The following UROC1 variants were observed in gnomAD, a reference collection of about 807,000 sequenced individuals.
The protein encoded by UROC1 is urocanate hydratase 1, also known as urocanate hydratase.
Under a neutral mutation model 89.5 loss-of-function variants are expected in UROC1, and 79 were observed. The observed-to-expected ratio is 0.88, with a 90% CI of 0.74 to 1.06. The LOEUF (loss-of-function observed/expected upper bound fraction) is 1.06, where lower values mean the gene tolerates loss of function less well. Ranked by LOEUF, UROC1 falls within the 50% of genes least tolerant of loss-of-function variation. UROC1 has a pLI of 0.00. For missense variants in UROC1, 885 were observed against 907.8 expected (o/e 0.97, Z 0.32); for synonymous variants, 361 against 354.8 (o/e 1.02, Z -0.20).
At chr3:126,494,921 C>T (rs1304726687) in intron 15 of UROC1, among the ~76,000 whole-genome samples, 1 of 150,010 alleles carries the variant, frequency 6.7e-6, no homozygotes, top group Admixed American at 6.6e-5. Context: ...ACCCCCTGTA[C>T]AAGCAGGGCC....
chr3:126,491,928 G>A (rs1935662592), intron 16 of UROC1, among the ~76,000 whole-genome samples: 1 of 152,136 alleles, frequency 6.6e-6, no homozygotes, highest in African/African-American at 2.4e-5. Flanking sequence ...ACCTGCCCAA[G>A]GTCACACAGC....
At position 126,508,364 on chromosome 3, in the gene UROC1, C is replaced by T. The variant is rs1354294869; in HGVS notation, c.411+52G>A. ...TTTGTAAGCTCCTAGGCCAGAGGAC[C>T]AGACTAGAGGAAAGGCCAGGGGTGG... On this transcript the variant is annotated intron_variant, in intron 4 of 19. Coordinates refer to ENST00000290868, the MANE Select transcript of UROC1 (RefSeq NM_144639.3). 4.4e-6 allele frequency: 7 copies of T among 1,576,380 alleles called. No individual in the cohort carries two copies. The East Asian group carries it at 1.6e-4, about 35-fold the overall frequency.
At position 126,507,780 on chromosome 3, in the gene UROC1, C is replaced by T; in HGVS notation, c.564G>A (p.Arg188=). 6.2e-7 allele frequency: 1 copy of T among 1,614,116 alleles called. No homozygotes were observed. Among genetic ancestry groups the T allele is most frequent in the Non-Finnish European group, 8.5e-7 (1 of 1,180,040 alleles). Residue 188 remains arginine (R), a synonymous_variant, in exon 6 of 20, where the codon CGG becomes CGA. Transcript: ENST00000290868. ...NGMVIPNYSS[R]TEYEKLFALG... is the part of the protein sequence containing the mutation. ...AGGCAAAGAGCTTCTCATACTCCGTCCGGGAGGAGTAGTTGGGAATGACCT... is the reference window on the plus strand; with the variant it reads ...AGGCAAAGAGCTTCTCATACTCCGTTCGGGAGGAGTAGTTGGGAATGACCT...
Position 126,505,950 on chromosome 3 carries a change from T to G in UROC1, c.664A>C (p.Thr222Pro), listed in dbSNP as rs372835137. ...GGCGTGGCCCCATCTCTCACCACAG[T>G]GCCATGAACGATTCCCTGGGGACCG... ...YIGPQGIVHG[T>P]VLTVLNAARR... The change falls in exon 7 of 20, where the codon ACT (threonine) becomes CCT (proline). Residue 222 changes from threonine to proline, a missense_variant. By Grantham distance (38) the Thr-to-Pro change is conservative (BLOSUM62 -1). Coordinates refer to ENST00000290868, the MANE Select transcript of UROC1 (RefSeq NM_144639.3). 1.4e-5 allele frequency: 22 copies of G among 1,611,536 alleles called. No homozygotes were observed. The highest frequency in any genetic ancestry group is 1.7e-5 in the Non-Finnish European group (20 of 1,179,580).
intron 18 of UROC1, among the ~76,000 whole-genome samples, chr3:126,486,858 G>A (rs1373680711): frequency 1.3e-5 from 2 of 152,206 alleles, no homozygotes; most frequent in African/African-American, 4.8e-5. Context: ...CCATGGTTGA[G>A]GGATAGACAT....
rs757718986 is a variant in UROC1, at chr3:126,501,303, CAGGTGCCCCCTGCACCTGTGCAT to C, written c.903-46_903-24del. The C allele has an allele frequency of 1.4e-5, 22 of 1,613,588 alleles. No homozygotes were observed. The Admixed American group carries it at 2.5e-4, about 18-fold the overall frequency. ...TCCCTGGAAGGACACAAAAGCAGAA[CAGGTGCCCCCTGCACCTGTGCAT>C]AGGTGCCCCAGACACACCTGCACCC... On this transcript the variant is annotated intron_variant, in intron 9 of 19. Transcript: ENST00000290868.
intron 17 of UROC1, 110 bp downstream of exon 17, chr3:126,489,166 C>T: frequency 9.3e-7 from 1 of 1,075,128 alleles, no homozygotes. Context: ...CTATGCCGAG[C>T]CTCTCAGGTG....
rs1446548997 is a variant in UROC1, at chr3:126,496,055, C to T, written c.1492G>A (p.Ala498Thr). 1.2e-6 allele frequency: 2 copies of T among 1,613,222 alleles called. No homozygotes were observed. The highest frequency in any genetic ancestry group is 1.7e-5 in the Admixed American group (1 of 59,988). Residue 498 changes from alanine (A) to threonine (T), a missense_variant, in exon 15 of 20, where the codon GCC (alanine) becomes ACC (threonine). Transcript: ENST00000290868. ...YMDNIRWIRE[A>T]ARHRLVVGSQ... The stretch of plus-strand genomic sequence containing the variant: ...GCCCTCACCAGCCGGTGCCTGGCGG[C>T]CTCCCGGATCCAGCGGATGTTGTCC...
At position 126,515,410 on chromosome 3, in the gene UROC1, C is replaced by A. The variant is rs1335431084; in HGVS notation, c.126+2184G>T. ...CCGTCCAGGACCCACCACTTACCAG[C>A]CTCCCCAGCACCCAACACCTACCCT... is the stretch of plus-strand genomic sequence containing the variant. On this transcript the variant is annotated intron_variant, in intron 1 of 19. Coordinates refer to ENST00000290868, the MANE Select transcript of UROC1 (RefSeq NM_144639.3). 3.4e-5 allele frequency among the ~76,000 whole-genome samples: 5 copies of A among 148,746 alleles called. No individual in the cohort carries two copies. The South Asian group carries it at 8.6e-4, about 26-fold the overall frequency.
At chr3:126,496,002 C>G (rs1159447532) in intron 15 of UROC1, 36 bp downstream of exon 15, 1 of 1,603,764 alleles carries the variant, frequency 6.2e-7, no homozygotes, top group African/African-American at 1.3e-5. Context: ...TCTGACAGCA[C>G]AGCCACCCCA....
At chr3:126,503,597 C>T (rs1229535584) in intron 9 of UROC1, among the ~76,000 whole-genome samples, 4 of 152,222 alleles carry the variant, frequency 2.6e-5, no homozygotes, top group African/African-American at 9.7e-5. Context: ...CCCTATCAGG[C>T]CGGGTGGCTC....
rs1935376246 is a variant in UROC1, at chr3:126,481,271, C to G, written c.*1074G>C. ...GGACTAGGCCAACAGTCCCTCCTAA[C>G]AGCAAGGAAGGCTGGAGAATCAGGT... is the stretch of plus-strand genomic sequence containing the variant. On this transcript the variant is annotated 3_prime_UTR_variant, in exon 20 of 20. Transcript: ENST00000290868. The G allele has an allele frequency of 1.3e-5, 2 of 152,248 alleles. No individual in the cohort carries two copies. Among genetic ancestry groups the G allele is most frequent in the Non-Finnish European group, 2.9e-5 (2 of 68,060 alleles). 9.4% of individuals were successfully genotyped at this position (152,248 alleles called of 1,614,324 possible).
chr3:126,510,545 G>A, intron 2 of UROC1, 119 bp downstream of exon 2: 2 of 1,493,384 alleles, frequency 1.3e-6, no homozygotes, highest in Non-Finnish European at 1.8e-6. Context: ...CTCCTGGTCT[G>A]GACAGACTGG....
At chr3:126,499,058 CA>C (rs1232712260) in intron 13 of UROC1, among the ~76,000 whole-genome samples, 1 of 151,944 alleles carries the variant, frequency 6.6e-6, no homozygotes, top group African/African-American at 2.4e-5. Context: ...AGTTGTTTGC[CA>C]GGAAGTGGCC....
chr3:126,502,517 T>C (rs1320401164), intron 9 of UROC1, among the ~76,000 whole-genome samples: 2 of 151,918 alleles, frequency 1.3e-5, no homozygotes, highest in Non-Finnish European at 2.9e-5. Context: ...TGTATGCATG[T>C]GTGTGTTATG....
At chr3:126,494,474 T>G (rs897298669) in intron 15 of UROC1, among the ~76,000 whole-genome samples, 1 of 152,228 alleles carries the variant, frequency 6.6e-6, no homozygotes, top group African/African-American at 2.4e-5. Context: ...GTCACAGAGA[T>G]GCTGTTGGCA....
Position 126,499,690 on chromosome 3 carries a change from C to T in UROC1, c.1244-281G>A, listed in dbSNP as rs565373844. Reference sequence around the variant, plus strand: ...ACAGGGCTGGGGGGGCTTCCCACTGCGGACACTGTGCCTTTTGAACCTCAT... The same window carrying T: ...ACAGGGCTGGGGGGGCTTCCCACTGTGGACACTGTGCCTTTTGAACCTCAT... On this transcript the variant is annotated intron_variant, in intron 12 of 19. Coordinates refer to ENST00000290868, the MANE Select transcript of UROC1 (RefSeq NM_144639.3). Among the ~76,000 whole-genome samples, 15 of 152,346 alleles carry T rather than the reference C, an allele frequency of 9.8e-5. No individual in the cohort carries two copies. In the South Asian group the frequency reaches 1.0e-3, roughly 11 times the overall value.
intron 16 of UROC1, among the ~76,000 whole-genome samples, chr3:126,491,669 G>A (rs1035886346): frequency 4.6e-5 from 7 of 152,224 alleles, no homozygotes; most frequent in South Asian, 2.1e-4. Context: ...AGAGACGCCC[G>A]CAAGAACTCT....
chr3:126,483,597 C>T, intron 18 of UROC1, 129 bp from the exon 19 acceptor site: 1 of 843,904 alleles, frequency 1.2e-6, no homozygotes. Context: ...CCGCCAGCCT[C>T]TGCAACCTGG....
Sources: allele counts gnomAD v4.1 joint callset (sites outside exome capture counted in the v4.1 genomes callset), GRCh38; gene constraint gnomAD v4.1.1; transcripts MANE v1.5; gene names NCBI Gene and HGNC (gene_info 2026-07-23, HGNC 2026-07-21).